The following VAV3 variants were observed in gnomAD, a reference collection of about 807,000 sequenced individuals.
The protein encoded by VAV3 is guanine nucleotide exchange factor VAV3.
Under a neutral mutation model 131.2 loss-of-function variants are expected in VAV3, and 94 were observed. That is an observed-to-expected ratio of 0.72 (90% CI 0.61 to 0.85). The LOEUF is 0.85. VAV3 is among the 40% of genes least tolerant of loss of function. The probability of loss-of-function intolerance (pLI) is 0.00; values close to 1 mark genes in which losing one functional copy is unlikely to be tolerated. For missense variants in VAV3, 939 were observed against 1,002.7 expected, an observed-to-expected ratio of 0.94 and a Z score of 0.86; for synonymous variants, 349 against 342.0, an observed-to-expected ratio of 1.02 and a Z score of -0.22.
intron 9 of VAV3, among the ~76,000 whole-genome samples, chr1:107,762,326 G>T (rs771335159): frequency 3.3e-5 from 5 of 151,956 alleles, no homozygotes; most frequent in Admixed American, 1.3e-4. Flanking sequence ...ATATTATGAG[G>T]AGCTCCAAAA....
At chr1:107,903,046 G>T (rs889903781) in intron 1 of VAV3, among the ~76,000 whole-genome samples, 2 of 152,132 alleles carry the variant, frequency 1.3e-5, no homozygotes, top group African/African-American at 4.8e-5. Context: ...ACTAGGAAGG[G>T]CTTGAAATGT....
intron 3 of VAV3, 81 bp downstream of exon 3, chr1:107,779,353 G>C: frequency 2.3e-6 from 3 of 1,291,032 alleles, no homozygotes; most frequent in Non-Finnish European, 3.2e-6. Flanking sequence ...TGTGCAAGAT[G>C]CTTCACAAAT....
At chr1:107,843,606 T>C (rs1406324942) in intron 2 of VAV3, among the ~76,000 whole-genome samples, 3 of 151,478 alleles carry the variant, frequency 2.0e-5, no homozygotes, top group Non-Finnish European at 4.4e-5. Context: ...TGCTGAAGTA[T>C]GAGCAGGCGT....
chr1:107,843,524 CGTGT>C (rs113866726), intron 2 of VAV3, among the ~76,000 whole-genome samples: 2 of 146,100 alleles, frequency 1.4e-5, no homozygotes, highest in East Asian at 2.0e-4. Context: ...TGTATGTGTG[CGTGT>C]GTGTGTGTGT....
chr1:107,599,042 T>C (rs188390665), intron 24 of VAV3, among the ~76,000 whole-genome samples: 15 of 152,308 alleles, frequency 9.8e-5, no homozygotes, highest in Middle Eastern at 3.4e-3. Flanking sequence ...CTAGAAACCA[T>C]AGAATTATCA....
chr1:107,923,783 G>A (rs1265533265), intron 1 of VAV3, among the ~76,000 whole-genome samples: 1 of 152,106 alleles, frequency 6.6e-6, no homozygotes, highest in Non-Finnish European at 1.5e-5. Flanking sequence ...CAACATCTGA[G>A]GATTACAATT....
chr1:107,744,118 T>A (rs897431783), intron 15 of VAV3, among the ~76,000 whole-genome samples: 4 of 152,216 alleles, frequency 2.6e-5, no homozygotes, highest in Non-Finnish European at 4.4e-5. Flanking sequence ...CCGCTCCGGA[T>A]GACCAACAGG....
At chr1:107,678,937 T>C (rs1226584246) in intron 19 of VAV3, among the ~76,000 whole-genome samples, 1 of 152,116 alleles carries the variant, frequency 6.6e-6, no homozygotes, top group Non-Finnish European at 1.5e-5. Context: ...AAATTTTATA[T>C]GTACATTTAT....
intron 2 of VAV3, among the ~76,000 whole-genome samples, chr1:107,813,684 T>C (rs1225416505): frequency 6.6e-6 from 1 of 152,180 alleles, no homozygotes; most frequent in Non-Finnish European, 1.5e-5. Flanking sequence ...TACTTTGCTA[T>C]TGAACATTAG....
intron 1 of VAV3, among the ~76,000 whole-genome samples, chr1:107,890,629 G>A (rs938312300): frequency 5.9e-5 from 9 of 151,994 alleles, no homozygotes; most frequent in African/African-American, 1.9e-4. Context: ...AGACTAACTC[G>A]AATTCTGTTA....
intron 19 of VAV3, among the ~76,000 whole-genome samples, chr1:107,676,479 G>A (rs914714438): frequency 2.0e-5 from 3 of 152,196 alleles, no homozygotes; most frequent in African/African-American, 7.2e-5. Context: ...GAAGCCAATA[G>A]AGGAGAAAGG....
At chr1:107,798,108 C>T (rs550866892) in intron 2 of VAV3, among the ~76,000 whole-genome samples, 28 of 152,144 alleles carry the variant, frequency 1.8e-4, no homozygotes, top group Non-Finnish European at 3.8e-4. Context: ...TAAAGAGTAA[C>T]TAATAATACA....
intron 1 of VAV3, among the ~76,000 whole-genome samples, chr1:107,893,764 GTTC>G (rs1671431858): frequency 6.6e-6 from 1 of 152,130 alleles, no homozygotes; most frequent in African/African-American, 2.4e-5. Flanking sequence ...CTATATCAGT[GTTC>G]TTCTGACCAA....
intron 15 of VAV3, among the ~76,000 whole-genome samples, chr1:107,745,474 CA>C (rs1321197570): frequency 6.6e-6 from 1 of 152,018 alleles, no homozygotes; most frequent in African/African-American, 2.4e-5. Flanking sequence ...GGAGGTCTGT[CA>C]GGTTCTAATG....
chr1:107,846,512 A>G (rs1489970423), intron 2 of VAV3, among the ~76,000 whole-genome samples: 1 of 152,222 alleles, frequency 6.6e-6, no homozygotes, highest in African/African-American at 2.4e-5. Context: ...TGCTGTATTC[A>G]GGAGACCCAT....
At chr1:107,946,653 C>T (rs929149641) in intron 1 of VAV3, among the ~76,000 whole-genome samples, 2 of 152,150 alleles carry the variant, frequency 1.3e-5, no homozygotes, top group Non-Finnish European at 2.9e-5. Context: ...TGAAAATAAT[C>T]CAAATAACTG....
chr1:107,955,236 G>C (rs1331986903), intron 1 of VAV3, among the ~76,000 whole-genome samples: 1 of 152,020 alleles, frequency 6.6e-6, no homozygotes, highest in Non-Finnish European at 1.5e-5. Context: ...CACTCGGTAA[G>C]TGGTGAAGTA....
intron 4 of VAV3, among the ~76,000 whole-genome samples, chr1:107,775,335 C>A (rs5006968): frequency 0.12 from 17,894 of 151,996 alleles, 1,189 homozygotes; most frequent in Non-Finnish European, 0.14. Context: ...AGTCCCAGCA[C>A]GTTGGGACAC....
At chr1:107,682,732 T>C (rs1658734132) in intron 19 of VAV3, among the ~76,000 whole-genome samples, 3 of 152,144 alleles carry the variant, frequency 2.0e-5, no homozygotes, top group South Asian at 2.1e-4. Flanking sequence ...AAACACATAG[T>C]CCAGATTATT....
Sources: allele counts gnomAD v4.1 joint callset (sites outside exome capture counted in the v4.1 genomes callset), GRCh38; gene constraint gnomAD v4.1.1; transcripts MANE v1.5; gene names NCBI Gene and HGNC (gene_info 2026-07-23, HGNC 2026-07-21).